Variants in FXYD5 observed in about 807,000 individuals in gnomAD.
The protein encoded by FXYD5 is FXYD domain containing ion transport regulator 5, also known as FXYD domain-containing ion transport regulator 5.
A neutral mutation model predicts 25.7 loss-of-function variants in FXYD5; 21 were observed. That is an observed-to-expected ratio of 0.82 (90% CI 0.58 to 1.18). The LOEUF (loss-of-function observed/expected upper bound fraction) is 1.18, where lower values mean the gene tolerates loss of function less well. Among genes scored for constraint, FXYD5 ranks in the 50% most tolerant of loss-of-function variants. The pLI, the probability that FXYD5 is intolerant of heterozygous loss-of-function variation, is 0.00. For missense variants in FXYD5, 229 were observed against 227.7 expected, an observed-to-expected ratio of 1.01 and a Z score of -0.04; for synonymous variants, 101 against 90.7, an observed-to-expected ratio of 1.11 and a Z score of -0.64.
chr19:35,169,018 G>C lies in FXYD5; in HGVS notation c.488-548G>C, dbSNP rs540795420. Among the ~76,000 whole-genome samples, 42 of 150,952 alleles carry C rather than the reference G, an allele frequency of 2.8e-4. No homozygotes were observed. The South Asian group carries it at 8.8e-3, about 32-fold the overall frequency. Reference sequence around the variant, plus strand: ...GTGGGGGTTGCAGTGAGCTGAGATTGTGCCACTGCATTCCAGCCTGGGTGA... The same window carrying C: ...GTGGGGGTTGCAGTGAGCTGAGATTCTGCCACTGCATTCCAGCCTGGGTGA... On this transcript the variant is annotated intron_variant, in intron 8 of 8. Coordinates refer to ENST00000392219, the MANE Select transcript of FXYD5 (RefSeq NM_014164.6).
chr19:35,155,287 C>T (rs992146231), intron 1 of FXYD5: 7 of 554,382 alleles, frequency 1.3e-5, no homozygotes, highest in East Asian at 6.1e-5. Context: ...GCCCGCCGGC[C>T]CTTGCAGCTG....
Position 35,157,488 on chromosome 19 carries a change from G to A in FXYD5, c.129G>A (p.Pro43=), listed in dbSNP as rs370975053. 69 of 1,546,156 alleles carry A rather than the reference G, an allele frequency of 4.5e-5. No homozygotes were observed. Among genetic ancestry groups the A allele is most frequent in the African/African-American group, 8.2e-5 (6 of 73,506 alleles). ...ADSTIMDIQV[P]TRAPDAVYTE... ...CAACTATCATGGACATTCAGGTCCC[G>A]ACACGAGCCCCAGGTGAGGAAAGGG... The change falls in exon 3 of 9, where the codon CCG becomes CCA. Residue 43 remains proline (P), a synonymous_variant. Coordinates refer to ENST00000392219, the MANE Select transcript of FXYD5 (RefSeq NM_014164.6).
Position 35,166,316 on chromosome 19 carries a change from A to G in FXYD5, c.478A>G (p.Ile160Val). Reference protein sequence around the residue: ...AAVLFITGIIILTSGKCRQLS... With the variant: ...AAVLFITGIIVLTSGKCRQLS... ...TGTGCTGTTCATCACAGGCATCATC[A>G]TCCTCACCAGTGAGAACTGGGGTTG... Residue 160 changes from isoleucine to valine, a missense_variant, in exon 8 of 9, where the codon ATC becomes GTC. Ile to Val is a conservative substitution (Grantham distance 29). Transcript: ENST00000392219. The G allele has an allele frequency of 1.3e-6, 2 of 1,581,578 alleles. No individual in the cohort carries two copies. The highest frequency in any genetic ancestry group is 1.2e-5 in the South Asian group (1 of 86,482).
Position 35,169,669 on chromosome 19 carries a change from C to T in FXYD5, c.*54C>T. 4 of 1,186,452 alleles carry T rather than the reference C, an allele frequency of 3.4e-6. No homozygotes were observed. The highest frequency in any genetic ancestry group is 5.1e-6 in the Non-Finnish European group (4 of 791,122). The allele number at this position is 1,186,452 out of a possible 1,614,324, so 73.5% of individuals were successfully genotyped here. A position where few individuals can be genotyped will look rare whatever the true frequency, so the allele number is the denominator to read the frequency against. ...GCTGGGCACCCGAAGACCAAGCCCC[C>T]TGCCAGCTCACCGTGCCCAGCCTCC... On this transcript the variant is annotated 3_prime_UTR_variant, in exon 9 of 9. Coordinates refer to ENST00000392219, the MANE Select transcript of FXYD5 (RefSeq NM_014164.6).
At position 35,166,164 on chromosome 19, in the gene FXYD5, C is replaced by G; in HGVS notation, c.405C>G (p.Phe135Leu). 1 of 1,613,964 alleles carries G rather than the reference C, an allele frequency of 6.2e-7. No homozygotes were observed. Among genetic ancestry groups the G allele is most frequent in the African/African-American group, 1.3e-5 (1 of 75,028 alleles). Residue 135 changes from phenylalanine to leucine, a missense_variant, in exon 7 of 9, where the codon TTC becomes TTG. Physicochemically the swap from Phe to Leu is conservative, Grantham distance 22. Coordinates refer to ENST00000392219, the MANE Select transcript of FXYD5 (RefSeq NM_014164.6). ...KPSGFHEDDP[F>L]FYDEHTLRKR... ...CAGGTTTTCATGAGGATGACCCCTT[C>G]TTCTATGGTAAGTTATCCACAGGAA...
At chr19:35,161,006 A>G (rs1010317289) in intron 5 of FXYD5, among the ~76,000 whole-genome samples, 1 of 152,132 alleles carries the variant, frequency 6.6e-6, no homozygotes, top group African/African-American at 2.4e-5. Context: ...GACTTCTGAG[A>G]GTCTTCATTA....
At position 35,166,238 on chromosome 19, in the gene FXYD5, T is replaced by G. The variant is rs1270877141; in HGVS notation, c.413-13T>G. The G allele has an allele frequency of 6.2e-7, 1 of 1,612,632 alleles. No homozygotes were observed. The highest frequency in any genetic ancestry group is 1.3e-5 in the African/African-American group (1 of 74,888). ...GTCCGTCTGACTCTACCCCTTCATT[T>G]TTCTCTCTGCAGATGAACACACCCT... On this transcript the variant is annotated splice_polypyrimidine_tract_variant and intron_variant, in intron 7 of 8. Transcript: ENST00000392219.
At chr19:35,167,870 A>G (rs1477869667) in intron 8 of FXYD5, among the ~76,000 whole-genome samples, 1 of 152,152 alleles carries the variant, frequency 6.6e-6, no homozygotes, top group African/African-American at 2.4e-5. Flanking sequence ...GGAGAAGTTA[A>G]GGCTCAGAGA....
chr19:35,161,105 A>G (rs572792930), intron 5 of FXYD5, among the ~76,000 whole-genome samples: 26 of 152,240 alleles, frequency 1.7e-4, no homozygotes, highest in Non-Finnish European at 3.4e-4. Flanking sequence ...TCTTTCTGTC[A>G]GTTCCCCTCG....
chr19:35,163,804 GT>G (rs113329629), intron 5 of FXYD5, among the ~76,000 whole-genome samples: 2 of 152,220 alleles, frequency 1.3e-5, no homozygotes, highest in African/African-American at 4.8e-5. Flanking sequence ...TGTTTTACAA[GT>G]TTCTCCAGAC....
Position 35,158,371 on chromosome 19 carries a change from C to A in FXYD5, c.170C>A (p.Thr57Asn). 6.2e-7 allele frequency: 1 copy of A among 1,607,852 alleles called. No individual in the cohort carries two copies. Among genetic ancestry groups the A allele is most frequent in the Non-Finnish European group, 8.5e-7 (1 of 1,174,428 alleles). ...GCAGTCTACACAGAACTCCAGCCCA[C>A]CTCTCCAACCCCAACCTGGCCTGCT... ...PDAVYTELQPTSPTPTWPADE... is the reference protein window; with the variant it reads ...PDAVYTELQPNSPTPTWPADE... The change falls in exon 4 of 9, where the codon ACC (threonine) becomes AAC (asparagine). Residue 57 changes from threonine to asparagine, a missense_variant. Coordinates refer to ENST00000392219, the MANE Select transcript of FXYD5 (RefSeq NM_014164.6).
chr19:35,156,387 G>A (rs1156726211), intron 2 of FXYD5, among the ~76,000 whole-genome samples: 2 of 152,180 alleles, frequency 1.3e-5, no homozygotes, highest in Non-Finnish European at 2.9e-5. Context: ...TGTGCACTGG[G>A]GAAACAGCAC....
chr19:35,166,709 G>A (rs73044028), intron 8 of FXYD5: 27,154 of 301,444 alleles, frequency 0.09, 1,693 homozygotes, highest in East Asian at 0.28. Context: ...CTAAGATAGA[G>A]TGAATGCATG....
At chr19:35,158,306 TC>T in intron 3 of FXYD5, 37 bp from the exon 4 acceptor site, 1 of 1,438,484 alleles carries the variant, frequency 7.0e-7, no homozygotes, top group Non-Finnish European at 9.8e-7. Context: ...TTTTTCTCTC[TC>T]CTTTTCTCTC....
chr19:35,161,260 G>A (rs1306781322), intron 5 of FXYD5, among the ~76,000 whole-genome samples: 2 of 6,894 alleles, frequency 2.9e-4, no homozygotes, highest in Non-Finnish European at 5.1e-4. Context: ...AAGAATGATT[G>A]GCTATATAAG....
At chr19:35,165,174 A>G (rs779026826) in intron 6 of FXYD5, among the ~76,000 whole-genome samples, 11 of 152,234 alleles carry the variant, frequency 7.2e-5, no homozygotes, top group Non-Finnish European at 1.5e-4. Flanking sequence ...AAGAATTCAG[A>G]GAGTCCATAG....
At chr19:35,168,649 G>T (rs1456915690) in intron 8 of FXYD5, among the ~76,000 whole-genome samples, 2 of 152,198 alleles carry the variant, frequency 1.3e-5, no homozygotes, top group African/African-American at 2.4e-5. Flanking sequence ...AGCAGCCACA[G>T]ATGAGTCTCT....
chr19:35,165,343 A>G (rs1672995), intron 6 of FXYD5, among the ~76,000 whole-genome samples: 100,479 of 152,106 alleles, frequency 0.66, 33,507 homozygotes, highest in African/African-American at 0.75. Flanking sequence ...GGCAATTCCC[A>G]GAACTGAGGA....
At chr19:35,165,300 T>G (rs963089102) in intron 6 of FXYD5, among the ~76,000 whole-genome samples, 1 of 152,138 alleles carries the variant, frequency 6.6e-6, no homozygotes, top group Non-Finnish European at 1.5e-5. Context: ...AAACAAGGGG[T>G]GGATTATTCA....
Sources: allele counts gnomAD v4.1 joint callset (sites outside exome capture counted in the v4.1 genomes callset), GRCh38; gene constraint gnomAD v4.1.1; transcripts MANE v1.5; gene names NCBI Gene and HGNC (gene_info 2026-07-23, HGNC 2026-07-21).